The following GPHN variants were observed in gnomAD, a reference collection of about 807,000 sequenced individuals.
GPHN encodes gephyrin.
A neutral mutation model predicts 95.5 loss-of-function variants in GPHN; 17 were observed. The observed-to-expected ratio is 0.18, with a 90% CI of 0.12 to 0.27. GPHN has a LOEUF of 0.27. Ranked by LOEUF, GPHN falls within the 10% of genes least tolerant of loss-of-function variation. GPHN has a pLI of 1.00. For synonymous variants in GPHN, 320 were observed against 322.5 expected, an observed-to-expected ratio of 0.99 and a Z score of 0.08; for missense variants, 660 against 978.1, an observed-to-expected ratio of 0.67 and a Z score of 4.34.
intron 2 of GPHN, among the ~76,000 whole-genome samples, chr14:66,697,317 G>A (rs1382827069): frequency 6.6e-6 from 1 of 152,162 alleles, no homozygotes; most frequent in Non-Finnish European, 1.5e-5. Context: ...CCTTAGTTAT[G>A]TAGTACGTTG....
chr14:67,734,230 G>T, the GPHN span: 8 of 245,396 alleles, frequency 3.3e-5, no homozygotes, highest in South Asian at 4.5e-4. Context: ...TATTTCTAGG[G>T]GCTATACACT....
At chr14:67,498,727 G>A in the GPHN span, among the ~76,000 whole-genome samples, 1 of 152,152 alleles carries the variant, frequency 6.6e-6, no homozygotes, top group Admixed American at 6.5e-5. Context: ...GTCCAGTGGC[G>A]TGATCTCGGC....
At chr14:66,742,792 C>T (rs984826039) in intron 2 of GPHN, among the ~76,000 whole-genome samples, 1 of 152,156 alleles carries the variant, frequency 6.6e-6, no homozygotes, top group Admixed American at 6.5e-5. Context: ...GACGGAGTCT[C>T]GCTCTGTCAC....
At chr14:66,714,188 C>T (rs1484623149) in intron 2 of GPHN, among the ~76,000 whole-genome samples, 1 of 152,088 alleles carries the variant, frequency 6.6e-6, no homozygotes, top group East Asian at 1.9e-4. Flanking sequence ...TTGTAGTTTT[C>T]CTTGTAGAGG....
At chr14:66,792,612 GA>G (rs2060012636) in intron 3 of GPHN, among the ~76,000 whole-genome samples, 2 of 152,214 alleles carry the variant, frequency 1.3e-5, no homozygotes, top group African/African-American at 4.8e-5. Flanking sequence ...TAAAATTACA[GA>G]AAATTTTTAA....
At chr14:67,559,272 T>C in the GPHN span, among the ~76,000 whole-genome samples, 2 of 152,208 alleles carry the variant, frequency 1.3e-5, no homozygotes, top group Non-Finnish European at 2.9e-5. Context: ...GAGTATAAAA[T>C]GACAAGTCAC....
chr14:66,614,326 G>C (rs1431692869), intron 1 of GPHN, among the ~76,000 whole-genome samples: 2 of 152,190 alleles, frequency 1.3e-5, no homozygotes, highest in East Asian at 3.9e-4. Flanking sequence ...TTCAAATTCA[G>C]GTCTAACTTA....
the GPHN span, among the ~76,000 whole-genome samples, chr14:67,506,009 T>A: frequency 1.1e-3 from 166 of 152,190 alleles, no homozygotes; most frequent in African/African-American, 3.9e-3. Context: ...TGATAATTTG[T>A]TCTTTTCAAG....
intron 4 of GPHN, among the ~76,000 whole-genome samples, chr14:66,828,483 ATT>A (rs1430018116): frequency 1.3e-5 from 2 of 152,134 alleles, no homozygotes; most frequent in African/African-American, 4.8e-5. Context: ...GATTGCCAAT[ATT>A]TTTAAATGAG....
At chr14:66,739,218 C>T (rs1466169487) in intron 2 of GPHN, among the ~76,000 whole-genome samples, 1 of 134,634 alleles carries the variant, frequency 7.4e-6, no homozygotes, top group African/African-American at 2.8e-5. Context: ...TTTCTTACAG[C>T]TTTTTTTTTT....
the GPHN span, chr14:67,690,125 A>G: frequency 0.54 from 642,272 of 1,181,398 alleles, 185,093 homozygotes; most frequent in Non-Finnish European, 0.61. Flanking sequence ...TCTCCAGGTG[A>G]TGGGCTCTGG....
At chr14:67,349,781 T>C in the GPHN span, among the ~76,000 whole-genome samples, 1 of 152,220 alleles carries the variant, frequency 6.6e-6, no homozygotes, top group Non-Finnish European at 1.5e-5. Flanking sequence ...TTATACACTA[T>C]TGATTGATCT....
At chr14:66,603,367 T>C (rs890435863) in intron 1 of GPHN, among the ~76,000 whole-genome samples, 4 of 151,904 alleles carry the variant, frequency 2.6e-5, no homozygotes, top group Non-Finnish European at 5.9e-5. Flanking sequence ...TTACAAACTT[T>C]GAATCATACC....
chr14:66,798,761 A>T (rs1221510526), intron 3 of GPHN, among the ~76,000 whole-genome samples: 1 of 151,576 alleles, frequency 6.6e-6, no homozygotes, highest in Non-Finnish European at 1.5e-5. Context: ...TTCAAAAAAA[A>T]CTTAAATGTT....
Position 66,512,378 on chromosome 14 carries a change from A to C in GPHN, c.64+3787A>C, listed in dbSNP as rs544357667. On this transcript the variant is annotated intron_variant, in intron 1 of 22. Transcript: ENST00000478722. ...ACTACATGTATGTATAGAATGTAGA[A>C]TCATATAGATTATTCCATTGGCTAC... Among the ~76,000 whole-genome samples, 8 of 151,978 alleles carry C rather than the reference A, an allele frequency of 5.3e-5. No homozygotes were observed. The East Asian group carries it at 5.8e-4, about 11-fold the overall frequency.
At chr14:66,809,143 A>G (rs1208671109) in intron 3 of GPHN, among the ~76,000 whole-genome samples, 1 of 152,166 alleles carries the variant, frequency 6.6e-6, no homozygotes, top group African/African-American at 2.4e-5. Flanking sequence ...TTCAGGGGAT[A>G]TACTGTTCTT....
chr14:66,692,806 A>G (rs1415232178), intron 2 of GPHN, among the ~76,000 whole-genome samples: 1 of 152,132 alleles, frequency 6.6e-6, no homozygotes, highest in Non-Finnish European at 1.5e-5. Context: ...TGGAATTAAA[A>G]TATTACCAAG....
the GPHN span, among the ~76,000 whole-genome samples, chr14:67,216,118 CAT>C: frequency 1.5e-4 from 23 of 152,268 alleles, no homozygotes; most frequent in Non-Finnish European, 2.6e-4. Flanking sequence ...TAACATCTAA[CAT>C]GTGGTACATT....
the GPHN span, chr14:67,346,014 T>C: frequency 1.6e-6 from 1 of 624,848 alleles, no homozygotes; most frequent in East Asian, 2.8e-5. Context: ...ATGAAGTGCC[T>C]ATCTCACTCC....
Sources: gnomAD v4.1 joint callset for allele counts (sites outside exome capture counted in the v4.1 genomes callset) on GRCh38, gnomAD v4.1.1 for gene constraint, MANE v1.5 for transcripts, NCBI Gene and HGNC (gene_info 2026-07-23, HGNC 2026-07-21) for gene names.